Variants in FBXO42 observed in about 807,000 individuals in gnomAD.
FBXO42 encodes the protein F-box only protein 42.
Under a neutral mutation model 71.7 loss-of-function variants are expected in FBXO42, and 12 were observed. That is an observed-to-expected ratio of 0.17 (90% CI 0.11 to 0.27). FBXO42 has a LOEUF of 0.27. Among genes scored for constraint, FBXO42 ranks in the 10% least tolerant of loss-of-function variants. The pLI is 1.00. For synonymous variants in FBXO42, 325 were observed against 327.5 expected, an observed-to-expected ratio of 0.99 and a Z score of 0.08; for missense variants, 707 against 911.9, an observed-to-expected ratio of 0.78 and a Z score of 2.89.
intron 2 of FBXO42, among the ~76,000 whole-genome samples, chr1:16,306,185 C>T (rs146458835): frequency 2.7e-4 from 41 of 152,116 alleles, no homozygotes; most frequent in African/African-American, 9.2e-4. Context: ...CCATGCCCAG[C>T]TAATTTTATT....
intron 4 of FBXO42, among the ~76,000 whole-genome samples, chr1:16,276,136 C>T (rs570921240): frequency 6.6e-6 from 1 of 152,164 alleles, no homozygotes; most frequent in South Asian, 2.1e-4. Context: ...AATCCCAGCA[C>T]TTTGGGAGGC....
chr1:16,256,850 G>T, intron 4 of FBXO42, 91 bp from the exon 5 acceptor site: 1 of 1,358,922 alleles, frequency 7.4e-7, no homozygotes, highest in Non-Finnish European at 1.0e-6. Flanking sequence ...CCCTGGAAGA[G>T]CAACAAAAGG....
At position 16,315,394 on chromosome 1, in the gene FBXO42, C is replaced by T; in HGVS notation, c.25G>A (p.Asp9Asn). 1.2e-6 allele frequency: 2 copies of T among 1,614,166 alleles called. No homozygotes were observed. Among genetic ancestry groups the T allele is most frequent in the Non-Finnish European group, 8.5e-7 (1 of 1,180,024 alleles). ...TGGTCCACAGCCATGAAACTGTCAT[C>T]TTCACTGTCCGAGGAGCTGGCCATG... The part of the protein sequence containing the change: MASSSDSE[D>N]DSFMAVDQEE... Residue 9 changes from aspartate (D) to asparagine (N), a missense_variant, in exon 2 of 10, where the codon GAT becomes AAT. Asp to Asn is a conservative substitution (Grantham distance 23). This residue lies in a region of FBXO42 where 188 missense variants were observed against 230.5 expected (regional missense o/e 0.82). Coordinates refer to ENST00000375592, the MANE Select transcript of FBXO42 (RefSeq NM_018994.3).
intron 4 of FBXO42, among the ~76,000 whole-genome samples, chr1:16,276,607 C>G (rs1237197036): frequency 1.3e-5 from 2 of 152,104 alleles, no homozygotes; most frequent in Admixed American, 6.5e-5. Context: ...TAGAATTAGC[C>G]TCTTATAACT....
In FBXO42 at chr1:16,250,946, T is replaced by G. The variant is rs2081584731; in HGVS notation, c.1878A>C (p.Pro626=). The G allele has an allele frequency of 6.2e-7, 1 of 1,614,090 alleles. No homozygotes were observed. The highest frequency in any genetic ancestry group is 8.5e-7 in the Non-Finnish European group (1 of 1,180,020). ...PIARRLGHHP[P]QSLNVGKPLY... ...GGGGTTTGCCAACATTTAGGGACTG[T>G]GGAGGGTGGTGGCCCAGGCGGCGAG... The change falls in exon 10 of 10, where the codon CCA becomes CCC. Residue 626 remains proline (P), a synonymous_variant. Transcript: ENST00000375592. The surrounding 1 kb of genome is among the most constrained non-coding windows in gnomAD (Gnocchi z 4.7).
At chr1:16,290,465 G>A (rs1456773018) in intron 4 of FBXO42, among the ~76,000 whole-genome samples, 1 of 152,136 alleles carries the variant, frequency 6.6e-6, no homozygotes, top group Non-Finnish European at 1.5e-5. Flanking sequence ...GCTGAGGTGG[G>A]TGGATCACCT....
chr1:16,305,961 T>C, intron 2 of FBXO42, 42 bp from the exon 3 acceptor site: 4 of 1,295,204 alleles, frequency 3.1e-6, no homozygotes, highest in Non-Finnish European at 4.5e-6. Flanking sequence ...GACACTTAAC[T>C]TATCCATCAA....
intron 1 of FBXO42, among the ~76,000 whole-genome samples, chr1:16,327,166 T>C (rs1266241359): frequency 6.6e-6 from 1 of 152,178 alleles, no homozygotes; most frequent in Non-Finnish European, 1.5e-5. Flanking sequence ...GATCATAAAG[T>C]ACCTTACTGA....
At chr1:16,313,284 A>G (rs1175266268) in intron 2 of FBXO42, among the ~76,000 whole-genome samples, 1 of 148,074 alleles carries the variant, frequency 6.8e-6, no homozygotes, top group African/African-American at 2.6e-5. Context: ...AAAAGAAAGA[A>G]AAGAAGAAAG....
intron 1 of FBXO42, among the ~76,000 whole-genome samples, chr1:16,329,199 G>A (rs893910334): frequency 6.7e-6 from 1 of 149,534 alleles, no homozygotes; most frequent in African/African-American, 2.5e-5. Flanking sequence ...TGATGGGATT[G>A]TGTAAAAGGG....
chr1:16,326,030 G>GTGTGTC (rs1177725268), intron 1 of FBXO42, among the ~76,000 whole-genome samples: 1 of 150,094 alleles, frequency 6.7e-6, no homozygotes. Context: ...GTGTGTGTGT[G>GTGTGTC]TGTGTGTGTG....
At position 16,316,836 on chromosome 1, in the gene FBXO42, T is replaced by C. The variant is rs549495601; in HGVS notation, c.-17-1401A>G. ...TATTTACAATAGAAAATATGAATCA[T>C]TAAGAGATCCAGGCAGTAAAAAACT... On this transcript the variant is annotated intron_variant, in intron 1 of 9. Coordinates refer to ENST00000375592, the MANE Select transcript of FBXO42 (RefSeq NM_018994.3). Among the ~76,000 whole-genome samples, 3 of 151,238 alleles carry C rather than the reference T, an allele frequency of 2.0e-5. No individual in the cohort carries two copies. In the East Asian group the frequency reaches 5.8e-4, roughly 29 times the overall value.
intron 1 of FBXO42, among the ~76,000 whole-genome samples, chr1:16,319,859 C>T (rs1231731133): frequency 3.3e-5 from 5 of 151,122 alleles, no homozygotes; most frequent in African/African-American, 7.3e-5. Context: ...TGCAGTGAGC[C>T]GAGATTGCGC....
intron 4 of FBXO42, among the ~76,000 whole-genome samples, chr1:16,288,243 A>G (rs1416736759): frequency 6.6e-6 from 1 of 151,908 alleles, no homozygotes; most frequent in African/African-American, 2.4e-5. Context: ...CATTCTGGCC[A>G]ACATGGTGAA....
chr1:16,310,997 A>AC lies in FBXO42; in HGVS notation c.250+4171_250+4172insG, dbSNP rs79277257. On this transcript the variant is annotated intron_variant, in intron 2 of 9. Transcript: ENST00000375592. ...TCAAAACAAACAAACAAACAAACAA[A>AC]AAAACTCAACATTAATAAACAAACA... 2.8e-4 allele frequency among the ~76,000 whole-genome samples: 41 copies of AC among 144,812 alleles called. No homozygotes were observed. The East Asian group carries it at 4.6e-3, about 16-fold the overall frequency.
intron 4 of FBXO42, among the ~76,000 whole-genome samples, chr1:16,282,005 T>C (rs552633888): frequency 1.3e-5 from 2 of 151,388 alleles, no homozygotes; most frequent in Admixed American, 1.3e-4. Context: ...TGGCCAAAGG[T>C]AGCTATTTCT....
In FBXO42 at chr1:16,251,990, A is replaced by G. The variant is rs1412132811; in HGVS notation, c.1039-205T>C. Among the ~76,000 whole-genome samples the G allele has an allele frequency of 2.0e-5, 3 of 152,230 alleles. No homozygotes were observed. Among genetic ancestry groups the G allele is most frequent in the Non-Finnish European group, 4.4e-5 (3 of 68,036 alleles). On this transcript the variant is annotated intron_variant, in intron 9 of 9. Coordinates refer to ENST00000375592, the MANE Select transcript of FBXO42 (RefSeq NM_018994.3). The surrounding 1 kb of genome is among the most constrained non-coding windows in gnomAD (Gnocchi z 4.5). ...GCTTTGTGTGACATATGCTATCATT[A>G]GAGATATGTATACAGAAGGGGTGGG...
intron 1 of FBXO42, among the ~76,000 whole-genome samples, chr1:16,342,171 C>A (rs1015808358): frequency 1.5e-4 from 23 of 151,616 alleles, no homozygotes; most frequent in African/African-American, 5.6e-4. Context: ...CCAAGACGGG[C>A]GGATCACTTG....
chr1:16,280,784 A>G (rs977368009), intron 4 of FBXO42, among the ~76,000 whole-genome samples: 6 of 152,136 alleles, frequency 3.9e-5, no homozygotes, highest in Non-Finnish European at 7.3e-5. Context: ...CAGAAAAAAA[A>G]ACAAAAGAAA....
Sources: gnomAD v4.1 joint callset for allele counts (sites outside exome capture counted in the v4.1 genomes callset) on GRCh38, gnomAD v4.1.1 for gene constraint, gnomAD v4.1.1 regional missense constraint, Gnocchi (gnomAD v3.1) non-coding constraint, MANE v1.5 for transcripts, NCBI Gene and HGNC (gene_info 2026-07-23, HGNC 2026-07-21) for gene names.